C1orf226: variants seen among roughly 807,000 people sequenced by gnomAD.
C1orf226 encodes the protein chromosome 1 open reading frame 226, also known as uncharacterized protein C1orf226.
A neutral mutation model predicts 10.5 loss-of-function variants in C1orf226; 4 were observed. That is an observed-to-expected ratio of 0.38 (90% confidence interval 0.19 to 0.87). The LOEUF (loss-of-function observed/expected upper bound fraction) is 0.87, where lower values mean the gene tolerates loss of function less well. Among genes scored for constraint, C1orf226 ranks in the 40% least tolerant of loss-of-function variants. C1orf226 has a pLI of 0.41. For missense variants in C1orf226, 313 were observed against 336.2 expected (o/e 0.93, Z 0.54); for synonymous variants, 125 against 139.3 (o/e 0.90, Z 0.72).
Position 162,385,924 on chromosome 1 carries a change from G to C in C1orf226, c.*2241G>C, listed in dbSNP as rs1205381189. 1 of 152,340 alleles carries C rather than the reference G, an allele frequency of 6.6e-6. No individual in the cohort carries two copies. The highest frequency in any genetic ancestry group is 1.5e-5 in the Non-Finnish European group (1 of 68,208). 9.4% of individuals were successfully genotyped at this position (152,340 alleles called of 1,614,324 possible). A position where few individuals can be genotyped will look rare whatever the true frequency, so the allele number is the denominator to read the frequency against. On this transcript the variant is annotated 3_prime_UTR_variant, in exon 2 of 2. Transcript: ENST00000458626. ...TTAAGTACCCTGCCTCCACTCTATAGCCCAGCTGCTGCTGGAGTCCAGGAC... is the reference window on the plus strand; with the variant it reads ...TTAAGTACCCTGCCTCCACTCTATACCCCAGCTGCTGCTGGAGTCCAGGAC...
intron 1 of C1orf226, among the ~76,000 whole-genome samples, chr1:162,382,832 C>T (rs149638586): frequency 2.0e-5 from 3 of 152,312 alleles, no homozygotes; most frequent in Non-Finnish European, 4.4e-5. Context: ...TTGTTTTAAA[C>T]ACCTGTGCAT....
chr1:162,384,440 G>A lies in C1orf226; in HGVS notation c.*757G>A, dbSNP rs142535429. The A allele has an allele frequency of 3.3e-5, 5 of 152,756 alleles. No homozygotes were observed. Among genetic ancestry groups the A allele is most frequent in the Admixed American group, 2.0e-4 (3 of 15,304 alleles). 9.5% of individuals were successfully genotyped at this position (152,756 alleles called of 1,614,324 possible). A position where few individuals can be genotyped will look rare whatever the true frequency, so the allele number is the denominator to read the frequency against. Reference sequence around the variant, plus strand: ...AAAATGTGGGCATTCTGCACGGAAGGAAAGATCAGGCTTCTCTTGCTGAGT... The same window carrying A: ...AAAATGTGGGCATTCTGCACGGAAGAAAAGATCAGGCTTCTCTTGCTGAGT... On this transcript the variant is annotated 3_prime_UTR_variant, in exon 2 of 2. Transcript: ENST00000458626.
chr1:162,380,750 T>C (rs1369711745), upstream of C1orf226, among the ~76,000 whole-genome samples: 1 of 152,202 alleles, frequency 6.6e-6, no homozygotes, highest in Non-Finnish European at 1.5e-5. Flanking sequence ...GTGGACAGCA[T>C]GGCTTAGAGC....
upstream of C1orf226, chr1:162,379,077 C>CCT: frequency 7.7e-7 from 1 of 1,292,032 alleles, no homozygotes; most frequent in South Asian, 1.3e-5. Flanking sequence ...CCCCAGATGC[C>CCT]CTCCTCTGCT....
chr1:162,386,656 G>A lies in C1orf226; in HGVS notation c.*2973G>A, dbSNP rs1648116476. 2.6e-5 allele frequency: 4 copies of A among 152,250 alleles called. No homozygotes were observed. The highest frequency in any genetic ancestry group is 9.6e-5 in the African/African-American group (4 of 41,452). 9.4% of individuals were successfully genotyped at this position (152,250 alleles called of 1,614,324 possible). On this transcript the variant is annotated 3_prime_UTR_variant, in exon 2 of 2. Coordinates refer to ENST00000458626, the MANE Select transcript of C1orf226 (RefSeq NM_001085375.2). Reference sequence around the variant, plus strand: ...GCTGATATGGAAGACATACATGTATGCAATCCATCAGCGTTTAAAGAAGAA... The same window carrying A: ...GCTGATATGGAAGACATACATGTATACAATCCATCAGCGTTTAAAGAAGAA...
chr1:162,382,334 G>T (rs141435114), intron 1 of C1orf226, 116 bp downstream of exon 1: 16 of 1,308,032 alleles, frequency 1.2e-5, no homozygotes, highest in African/African-American at 1.2e-4. Context: ...GTGTGAGATT[G>T]TCCTGTACTG....
At chr1:162,381,469 C>T (rs1647903911), upstream of C1orf226, among the ~76,000 whole-genome samples, 1 of 152,160 alleles carries the variant, frequency 6.6e-6, no homozygotes, top group Admixed American at 6.5e-5. Context: ...TCATCCATGC[C>T]ATCCCTCCAC....
At position 162,386,143 on chromosome 1, in the gene C1orf226, T is replaced by C. The variant is rs1193330749; in HGVS notation, c.*2460T>C. ...GCTACCTCGGGAGGCTCTCTGAGACTGGTGTCTGGTCTTAGATGCTGCACA... is the reference window on the plus strand; with the variant it reads ...GCTACCTCGGGAGGCTCTCTGAGACCGGTGTCTGGTCTTAGATGCTGCACA... On this transcript the variant is annotated 3_prime_UTR_variant, in exon 2 of 2. Transcript: ENST00000458626. 1 of 152,604 alleles carries C rather than the reference T, an allele frequency of 6.6e-6. No individual in the cohort carries two copies. The highest frequency in any genetic ancestry group is 2.4e-5 in the African/African-American group (1 of 41,462). The allele number at this position is 152,604 out of a possible 1,614,324, so 9.5% of individuals were successfully genotyped here.
At chr1:162,382,925 GTCTCTA>G (rs1647966714) in intron 1 of C1orf226, among the ~76,000 whole-genome samples, 1 of 152,228 alleles carries the variant, frequency 6.6e-6, no homozygotes, top group Non-Finnish European at 1.5e-5. Flanking sequence ...TTCACCAGCG[GTCTCTA>G]TCCTGTCTTC....
Position 162,386,377 on chromosome 1 carries a change from C to T in C1orf226, c.*2694C>T, listed in dbSNP as rs932672617. 2 of 152,326 alleles carry T rather than the reference C, an allele frequency of 1.3e-5. No individual in the cohort carries two copies. The highest frequency in any genetic ancestry group is 1.9e-4 in the East Asian group (1 of 5,198). 9.4% of individuals were successfully genotyped at this position (152,326 alleles called of 1,614,324 possible). ...ACAGTGAGTCCAGCTTCTCTGGGAGCTTGGCCTTCAGTTAGCCCAGTCCAT... is the reference window on the plus strand; with the variant it reads ...ACAGTGAGTCCAGCTTCTCTGGGAGTTTGGCCTTCAGTTAGCCCAGTCCAT... On this transcript the variant is annotated 3_prime_UTR_variant, in exon 2 of 2. Coordinates refer to ENST00000458626, the MANE Select transcript of C1orf226 (RefSeq NM_001085375.2).
chr1:162,385,819 TCTC>T lies in C1orf226; in HGVS notation c.*2140_*2142del, dbSNP rs927054963. The T allele has an allele frequency of 2.0e-5, 3 of 152,148 alleles. No individual in the cohort carries two copies. The highest frequency in any genetic ancestry group is 4.8e-5 in the African/African-American group (2 of 41,402). The allele number at this position is 152,148 out of a possible 1,614,324, so 9.4% of individuals were successfully genotyped here. A position where few individuals can be genotyped will look rare whatever the true frequency, so the allele number is the denominator to read the frequency against. On this transcript the variant is annotated 3_prime_UTR_variant, in exon 2 of 2. Coordinates refer to ENST00000458626, the MANE Select transcript of C1orf226 (RefSeq NM_001085375.2). ...TAGCAAGCCCCTGCACTCTGGGGCT[TCTC>T]CTCTCCTGGAGCCCAGGGCGGCTCT...
chr1:162,380,168 A>C (rs1369055587), upstream of C1orf226, among the ~76,000 whole-genome samples: 2 of 152,164 alleles, frequency 1.3e-5, no homozygotes, highest in Non-Finnish European at 2.9e-5. Flanking sequence ...GCGGGCTGGA[A>C]GCTTCTGCTG....
rs765125250 is a variant in C1orf226 at position 162,383,435 on chromosome 1, C to A, written c.571C>A (p.Pro191Thr). ...AAGAGAAGAGAGAGGCAAAGTTCTG[C>A]CCAATGGAGAGGTTTCCCTGTCAGT... is the stretch of plus-strand genomic sequence containing the variant. Reference protein sequence around the residue: ...MEREERGKVLPNGEVSLSVPD... With the variant: ...MEREERGKVLTNGEVSLSVPD... The change falls in exon 2 of 2, where the codon CCC becomes ACC. Residue 191 changes from proline (P) to threonine (T), a missense_variant. Coordinates refer to ENST00000458626, the MANE Select transcript of C1orf226 (RefSeq NM_001085375.2). The A allele has an allele frequency of 6.3e-7, 1 of 1,589,452 alleles. No homozygotes were observed. The highest frequency in any genetic ancestry group is 8.6e-7 in the Non-Finnish European group (1 of 1,167,584).
At chr1:162,383,081 G>T in intron 1 of C1orf226, 101 bp from the exon 2 acceptor site, 1 of 1,155,758 alleles carries the variant, frequency 8.7e-7, no homozygotes, top group Non-Finnish European at 1.2e-6. Context: ...ATTGGGTGGG[G>T]TGGGTTGAAA....
chr1:162,383,706 G>T lies in C1orf226; in HGVS notation c.*23G>T. The T allele has an allele frequency of 6.4e-7, 1 of 1,559,424 alleles. No individual in the cohort carries two copies. Reference sequence around the variant, plus strand: ...TAGAGCCTCTGCTCTTTCCTGCTGAGCTCTGCCCTTGTCTTCCTGCTGCTT... The same window carrying T: ...TAGAGCCTCTGCTCTTTCCTGCTGATCTCTGCCCTTGTCTTCCTGCTGCTT... On this transcript the variant is annotated 3_prime_UTR_variant, in exon 2 of 2. Coordinates refer to ENST00000458626, the MANE Select transcript of C1orf226 (RefSeq NM_001085375.2).
Position 162,383,789 on chromosome 1 carries a change from T to C in C1orf226, c.*106T>C. ...AACTCCGCTGTGCCCTTTGTCTTCC[T>C]TGTATGAGGCACCAGCAGAGAGCCA... On this transcript the variant is annotated 3_prime_UTR_variant, in exon 2 of 2. Transcript: ENST00000458626. The C allele has an allele frequency of 1.7e-6, 2 of 1,147,348 alleles. No individual in the cohort carries two copies. Among genetic ancestry groups the C allele is most frequent in the Non-Finnish European group, 2.4e-6 (2 of 834,994 alleles). The allele number at this position is 1,147,348 out of a possible 1,614,324, so 71.1% of individuals were successfully genotyped here.
chr1:162,381,911 A>G lies in C1orf226; in HGVS notation c.10A>G (p.Asn4Asp). 1 of 1,612,666 alleles carries G rather than the reference A, an allele frequency of 6.2e-7. No individual in the cohort carries two copies. Among genetic ancestry groups the G allele is most frequent in the Non-Finnish European group, 8.5e-7 (1 of 1,179,840 alleles). The change falls in exon 1 of 2, where the codon AAT (asparagine) becomes GAT (aspartate). Residue 4 changes from asparagine (N) to aspartate (D), a missense_variant. By Grantham distance (23) the Asn-to-Asp change is conservative. Coordinates refer to ENST00000458626, the MANE Select transcript of C1orf226 (RefSeq NM_001085375.2). ...CATAGTTGACCACGGCATGTTTGAG[A>G]ATTTGAACACAGCCCTCACTCCAAA... is the stretch of plus-strand genomic sequence containing the variant. MFE[N>D]LNTALTPKLQ...
chr1:162,386,756 A>G lies in C1orf226; in HGVS notation c.*3073A>G, dbSNP rs1020424745. The G allele has an allele frequency of 2.6e-5, 4 of 152,190 alleles. No homozygotes were observed. Among genetic ancestry groups the G allele is most frequent in the African/African-American group, 7.2e-5 (3 of 41,460 alleles). 9.4% of individuals were successfully genotyped at this position (152,190 alleles called of 1,614,324 possible). On this transcript the variant is annotated 3_prime_UTR_variant, in exon 2 of 2. Coordinates refer to ENST00000458626, the MANE Select transcript of C1orf226 (RefSeq NM_001085375.2). Reference sequence around the variant, plus strand: ...AGTATTTTTTAGAGAGTTAATATTTATATTTTTAGTAATTTTCTGGTAGAA... The same window carrying G: ...AGTATTTTTTAGAGAGTTAATATTTGTATTTTTAGTAATTTTCTGGTAGAA...
intron 1 of C1orf226, among the ~76,000 whole-genome samples, chr1:162,382,435 G>A (rs775338402): frequency 6.6e-6 from 1 of 152,098 alleles, no homozygotes; most frequent in Non-Finnish European, 1.5e-5. Flanking sequence ...CATGTCCTCG[G>A]CTCTGTGCTG....
Sources: allele counts gnomAD v4.1 joint callset (sites outside exome capture counted in the v4.1 genomes callset), GRCh38; gene constraint gnomAD v4.1.1; transcripts MANE v1.5; gene names NCBI Gene and HGNC (gene_info 2026-07-23, HGNC 2026-07-21).